Variants in MACROD2 observed in about 807,000 individuals in gnomAD.
MACROD2 encodes ADP-ribose glycohydrolase MACROD2.
Under a neutral mutation model 70.4 loss-of-function variants are expected in MACROD2, and 36 were observed. The observed-to-expected ratio is 0.51, with a 90% confidence interval of 0.39 to 0.68. The LOEUF (loss-of-function observed/expected upper bound fraction) is 0.68. Ranked by LOEUF, MACROD2 falls within the 30% of genes least tolerant of loss-of-function variation. MACROD2 has a pLI of 0.00. For synonymous variants in MACROD2, 172 were observed against 178.8 expected, an observed-to-expected ratio of 0.96 and a Z score of 0.30; for missense variants, 496 against 538.4, an observed-to-expected ratio of 0.92 and a Z score of 0.78.
intron 4 of MACROD2, among the ~76,000 whole-genome samples, chr20:14,672,484 C>A (rs1250598226): frequency 1.3e-5 from 2 of 152,158 alleles, no homozygotes; most frequent in African/African-American, 2.4e-5. Context: ...CAGATTGTAT[C>A]TCTTGATGGC....
intron 4 of MACROD2, among the ~76,000 whole-genome samples, chr20:14,558,871 A>G (rs1229806378): frequency 2.0e-5 from 3 of 151,552 alleles, no homozygotes; most frequent in African/African-American, 7.3e-5. Context: ...GTGTTTGTGT[A>G]TGTGTATGTG....
intron 8 of MACROD2, among the ~76,000 whole-genome samples, chr20:15,697,298 T>C (rs186664054): frequency 8.6e-4 from 131 of 152,334 alleles, no homozygotes; most frequent in Non-Finnish European, 1.1e-3. Context: ...TCCATATTGA[T>C]TTCATTTTTG....
chr20:14,751,488 A>T (rs1282102044), intron 5 of MACROD2, among the ~76,000 whole-genome samples: 1 of 152,152 alleles, frequency 6.6e-6, no homozygotes, highest in Non-Finnish European at 1.5e-5. Context: ...TTAATCTAGC[A>T]GACAGGTTTT....
At chr20:15,492,379 G>A (rs145965179) in intron 7 of MACROD2, among the ~76,000 whole-genome samples, 4 of 152,006 alleles carry the variant, frequency 2.6e-5, no homozygotes, top group South Asian at 4.2e-4. Context: ...CTCTCCTCCC[G>A]TGCATGGTAG....
intron 3 of MACROD2, among the ~76,000 whole-genome samples, chr20:14,462,049 A>G (rs2123019451): frequency 6.6e-6 from 1 of 152,144 alleles, no homozygotes; most frequent in South Asian, 2.1e-4. Flanking sequence ...ATGTTCTTCC[A>G]GTAATGGGAT....
At chr20:14,820,771 A>G (rs2072835019) in intron 5 of MACROD2, among the ~76,000 whole-genome samples, 1 of 151,834 alleles carries the variant, frequency 6.6e-6, no homozygotes, top group Non-Finnish European at 1.5e-5. Context: ...GAATTGATTC[A>G]TAGGGATTTT....
chr20:14,953,074 TC>T (rs1160953491), intron 5 of MACROD2, among the ~76,000 whole-genome samples: 4 of 152,050 alleles, frequency 2.6e-5, no homozygotes, highest in African/African-American at 9.7e-5. Flanking sequence ...AAAGCAAGCT[TC>T]TTTACTCATA....
chr20:14,316,633 A>G (rs1301014885), intron 3 of MACROD2, among the ~76,000 whole-genome samples: 2 of 152,202 alleles, frequency 1.3e-5, no homozygotes, highest in African/African-American at 4.8e-5. Context: ...GCTCAAGACA[A>G]TTCTCCTTCT....
chr20:14,306,046 T>C (rs558904064), intron 3 of MACROD2, among the ~76,000 whole-genome samples: 98 of 152,206 alleles, frequency 6.4e-4, no homozygotes, highest in African/African-American at 2.4e-3. Flanking sequence ...ATTTGTCTTA[T>C]CTCTTTTCAT....
At chr20:14,187,832 C>T (rs1319929450) in intron 3 of MACROD2, among the ~76,000 whole-genome samples, 1 of 152,108 alleles carries the variant, frequency 6.6e-6, no homozygotes, top group Non-Finnish European at 1.5e-5. Flanking sequence ...AATCTGAGGT[C>T]TGTATTAAGC....
At chr20:15,383,051 G>A (rs78663263) in intron 6 of MACROD2, among the ~76,000 whole-genome samples, 6,713 of 152,202 alleles carry the variant, frequency 0.044, 183 homozygotes, top group Middle Eastern at 0.1. Flanking sequence ...GAAATCCTTC[G>A]TCTAAAATGA....
chr20:14,455,360 T>G (rs1308497064), intron 3 of MACROD2, among the ~76,000 whole-genome samples: 1 of 151,916 alleles, frequency 6.6e-6, no homozygotes, highest in East Asian at 1.9e-4. Context: ...AAAACTAATT[T>G]GTAGCAGGAG....
At chr20:14,970,703 T>C (rs1052476914) in intron 5 of MACROD2, among the ~76,000 whole-genome samples, 1 of 152,128 alleles carries the variant, frequency 6.6e-6, no homozygotes, top group Non-Finnish European at 1.5e-5. Context: ...CAGGATGGAG[T>C]GCTATGGTAC....
At chr20:14,944,058 A>G (rs2074411018) in intron 5 of MACROD2, among the ~76,000 whole-genome samples, 1 of 152,192 alleles carries the variant, frequency 6.6e-6, no homozygotes, top group Non-Finnish European at 1.5e-5. Flanking sequence ...CACTATCACA[A>G]TCAGAATATA....
chr20:15,505,077 T>C (rs1433727137), intron 8 of MACROD2, among the ~76,000 whole-genome samples: 1 of 152,228 alleles, frequency 6.6e-6, no homozygotes, highest in Admixed American at 6.5e-5. Flanking sequence ...GGCATTTGGC[T>C]ATTGGTCTCT....
chr20:14,896,858 A>C (rs951305508), intron 5 of MACROD2, among the ~76,000 whole-genome samples: 1 of 152,076 alleles, frequency 6.6e-6, no homozygotes, highest in Non-Finnish European at 1.5e-5. Context: ...ACCTTCAAAA[A>C]ACTGTTGCAT....
chr20:15,616,920 T>G (rs1400540368), intron 8 of MACROD2, among the ~76,000 whole-genome samples: 1 of 152,192 alleles, frequency 6.6e-6, no homozygotes, highest in Non-Finnish European at 1.5e-5. Flanking sequence ...CCCTTCTCCC[T>G]GACTGCTAAT....
intron 8 of MACROD2, among the ~76,000 whole-genome samples, chr20:15,657,942 G>A (rs1286925699): frequency 1.3e-5 from 2 of 152,142 alleles, no homozygotes; most frequent in African/African-American, 2.4e-5. Flanking sequence ...ACCGTGAGCC[G>A]AGACTGAGCC....
At chr20:15,567,439 G>A (rs966675736) in intron 8 of MACROD2, among the ~76,000 whole-genome samples, 5 of 152,104 alleles carry the variant, frequency 3.3e-5, no homozygotes, top group South Asian at 2.1e-4. Context: ...ATGCCAGGAC[G>A]CGCTGCCAAC....
Sources: allele counts gnomAD v4.1 joint callset (sites outside exome capture counted in the v4.1 genomes callset), GRCh38; gene constraint gnomAD v4.1.1; transcripts MANE v1.5; gene names NCBI Gene and HGNC (gene_info 2026-07-23, HGNC 2026-07-21).